TTK: variants seen among roughly 807,000 people sequenced by gnomAD.
TTK encodes the protein dual specificity protein kinase TTK.
TTK carries 59 observed loss-of-function variants against 117.3 expected under a neutral mutation model. The ratio of observed to expected loss-of-function variants is 0.50; its 90% CI spans 0.41 to 0.62. The LOEUF is 0.62. TTK is among the 20% of genes least tolerant of loss of function. The pLI is 0.00. For synonymous variants in TTK, 302 were observed against 325.0 expected (o/e 0.93, Z 0.76); for missense variants, 921 against 989.4 (o/e 0.93, Z 0.93).
intron 20 of TTK, 21 bp downstream of exon 20, chr6:80,040,301 T>C: frequency 6.5e-7 from 1 of 1,548,104 alleles, no homozygotes; most frequent in Non-Finnish European, 8.7e-7. Context: ...TTTAAAAATT[T>C]GTTTATTACT....
chr6:80,041,473 A>G (rs1396290406), intron 21 of TTK, among the ~76,000 whole-genome samples: 1 of 151,660 alleles, frequency 6.6e-6, no homozygotes, highest in African/African-American at 2.4e-5. Context: ...GGATTTAGTA[A>G]TTAAAAGTGG....
Position 80,040,589 on chromosome 6 carries a change from A to G in TTK, c.2393-17A>G, listed in dbSNP as rs376499523. 28 of 1,605,350 alleles carry G rather than the reference A, an allele frequency of 1.7e-5. 1 individual carries two copies. The highest frequency in any genetic ancestry group is 6.7e-5 in the East Asian group (3 of 44,700). On this transcript the variant is annotated splice_polypyrimidine_tract_variant and intron_variant, in intron 20 of 21. Transcript: ENST00000369798. Reference sequence around the variant, plus strand: ...TTTTTCTTACTGGTACTAGTGTATTATTGATTTATTTTATAGTTAACCAAA... The same window carrying G: ...TTTTTCTTACTGGTACTAGTGTATTGTTGATTTATTTTATAGTTAACCAAA...
Position 80,040,638 on chromosome 6 carries a change from A to C in TTK, c.2425A>C (p.Met809Leu), listed in dbSNP as rs748518043. The C allele has an allele frequency of 5.0e-6, 8 of 1,611,994 alleles. No individual in the cohort carries two copies. The highest frequency in any genetic ancestry group is 5.9e-6 in the Non-Finnish European group (7 of 1,178,608). ...AATGGCCAAGGGAACCACTGAAGAA[A>C]TGAAATATGTTCTGGGCCAACTTGT... Reference protein sequence around the residue: ...NQMAKGTTEEMKYVLGQLVGL... With the variant: ...NQMAKGTTEELKYVLGQLVGL... Residue 809 changes from methionine (M) to leucine (L), a missense_variant, in exon 21 of 22, where the codon ATG becomes CTG. Transcript: ENST00000369798.
intron 18 of TTK, 131 bp downstream of exon 18, chr6:80,038,178 G>GTT: frequency 2.1e-6 from 1 of 467,144 alleles, no homozygotes; most frequent in South Asian, 6.3e-5. Flanking sequence ...GACATTGCTG[G>GTT]TTTTTTTCGT....
At chr6:80,024,747 T>G (rs1224452132) in intron 11 of TTK, among the ~76,000 whole-genome samples, 2 of 152,166 alleles carry the variant, frequency 1.3e-5, no homozygotes, top group African/African-American at 4.8e-5. Context: ...AAAGAAAAAG[T>G]ATAGAATCTA....
intron 12 of TTK, among the ~76,000 whole-genome samples, 188 bp downstream of exon 12, chr6:80,026,702 A>G (rs1280740758): frequency 6.6e-6 from 1 of 152,220 alleles, no homozygotes; most frequent in South Asian, 2.1e-4. Context: ...GCAATAATGC[A>G]TATTTTTAAG....
At chr6:80,039,977 C>A in intron 19 of TTK, 105 bp downstream of exon 19, 1 of 1,076,044 alleles carries the variant, frequency 9.3e-7, no homozygotes, top group Non-Finnish European at 1.3e-6. Context: ...AAAAGAATTG[C>A]TAACTGAATT....
Position 80,010,770 on chromosome 6 carries a change from GCATT to G in TTK, c.470-43_470-40del, listed in dbSNP as rs386703043. On this transcript the variant is annotated intron_variant, in intron 4 of 21. Coordinates refer to ENST00000369798, the MANE Select transcript of TTK (RefSeq NM_003318.5). ...CGTATCTGGGTGGTCTGGGTGGTGG[GCATT>G]TTACTGCCTAAAAATGACAATTATC... is the stretch of plus-strand genomic sequence containing the variant. The G allele has an allele frequency of 2.1e-4, 339 of 1,577,390 alleles. 2 individuals carry two copies. The highest frequency in any genetic ancestry group is 3.5e-5 in the Non-Finnish European group (41 of 1,156,738).
Position 80,010,935 on chromosome 6 carries a change from G to A in TTK, c.591G>A (p.Glu197=), listed in dbSNP as rs1345550133. ...TCCAAAAAAAGCAGCTGCTTTCAGAGGAGGAAAAGAAGAATTTATCAGGTA... is the reference window on the plus strand; with the variant it reads ...TCCAAAAAAAGCAGCTGCTTTCAGAAGAGGAAAAGAAGAATTTATCAGGTA... ...LNLQKKQLLS[E]EEKKNLSAST... is the part of the protein sequence containing the mutation. Residue 197 remains glutamate, a synonymous_variant, in exon 5 of 22, where the codon GAG becomes GAA. Transcript: ENST00000369798. The A allele has an allele frequency of 1.2e-6, 2 of 1,611,730 alleles. No individual in the cohort carries two copies. The highest frequency in any genetic ancestry group is 1.1e-5 in the South Asian group (1 of 90,948).
chr6:80,015,463 A>G (rs2127672595), intron 10 of TTK, among the ~76,000 whole-genome samples: 1 of 152,288 alleles, frequency 6.6e-6, no homozygotes, highest in East Asian at 1.9e-4. Flanking sequence ...ATTTGTTTTA[A>G]TAGGACTGAG....
At chr6:80,008,110 A>G (rs1272331091) in intron 3 of TTK, 79 bp downstream of exon 3, 2 of 1,456,396 alleles carry the variant, frequency 1.4e-6, no homozygotes, top group African/African-American at 1.4e-5. Flanking sequence ...AATAAAAAAC[A>G]TGGCAGTATT....
intron 19 of TTK, 120 bp from the exon 20 acceptor site, chr6:80,040,076 C>A (rs1768005913): frequency 1.0e-6 from 1 of 963,028 alleles, no homozygotes; most frequent in Non-Finnish European, 1.4e-6. Flanking sequence ...TGTCATAATA[C>A]TTTAGTGGGA....
chr6:80,032,565 G>A (rs1767787553), intron 14 of TTK, among the ~76,000 whole-genome samples: 1 of 152,074 alleles, frequency 6.6e-6, no homozygotes, highest in Non-Finnish European at 1.5e-5. Context: ...AAAACAATAT[G>A]TCCAAACACA....
chr6:80,013,467 T>C, intron 9 of TTK, 101 bp downstream of exon 9: 2 of 974,478 alleles, frequency 2.1e-6, no homozygotes, highest in Non-Finnish European at 3.1e-6. Flanking sequence ...AAATAGTTCA[T>C]GTATCTCCAA....
At chr6:80,008,552 C>T (rs1582086477) in intron 4 of TTK, 60 bp downstream of exon 4, 1 of 1,421,118 alleles carries the variant, frequency 7.0e-7, no homozygotes, top group East Asian at 2.5e-5. Context: ...CAACTTACTT[C>T]CTAATATTAA....
At chr6:80,010,067 C>T (rs62405965) in intron 4 of TTK, among the ~76,000 whole-genome samples, 18,290 of 151,950 alleles carry the variant, frequency 0.12, 1,379 homozygotes, top group South Asian at 0.17. Context: ...CATTTTTATA[C>T]GCTAAGTACC....
intron 9 of TTK, chr6:80,013,636 T>C (rs776909734): frequency 2.6e-5 from 6 of 226,546 alleles, no homozygotes; most frequent in African/African-American, 9.2e-5. Flanking sequence ...TTTAAGCAGA[T>C]AGTTGGCCTG....
chr6:80,025,153 G>A (rs239580), intron 11 of TTK, among the ~76,000 whole-genome samples: 94,170 of 152,026 alleles, frequency 0.62, 29,626 homozygotes, highest in Admixed American at 0.73. Context: ...CAAAATCGCA[G>A]ATGCTAACAT....
chr6:80,035,023 T>C lies in TTK; in HGVS notation c.1653T>C (p.Ala551=). ...TAAATGAAAAGAAACAGATATATGC[T>C]ATAAAATATGTGAACTTAGAAGAAG... ...QVLNEKKQIY[A]IKYVNLEEAD... is the part of the protein sequence containing the mutation. The change falls in exon 15 of 22, where the codon GCT becomes GCC. Residue 551 remains alanine (A), a synonymous_variant. Coordinates refer to ENST00000369798, the MANE Select transcript of TTK (RefSeq NM_003318.5). The C allele has an allele frequency of 1.3e-6, 2 of 1,593,020 alleles. No homozygotes were observed. The highest frequency in any genetic ancestry group is 1.4e-5 in the African/African-American group (1 of 73,736).
Sources: gnomAD v4.1 joint callset for allele counts (sites outside exome capture counted in the v4.1 genomes callset) on GRCh38, gnomAD v4.1.1 for gene constraint, MANE v1.5 for transcripts, NCBI Gene and HGNC (gene_info 2026-07-23, HGNC 2026-07-21) for gene names.